The following ZNF473 variants were observed in gnomAD, a reference collection of about 807,000 sequenced individuals.
ZNF473 encodes zinc finger protein 473.
In ZNF473, 4 loss-of-function variants were observed where a neutral mutation model predicts 11.1. The ratio of observed to expected loss-of-function variants is 0.36; its 90% CI spans 0.18 to 0.82. The LOEUF (loss-of-function observed/expected upper bound fraction) is 0.82. Ranked by LOEUF, ZNF473 falls within the 40% of genes least tolerant of loss-of-function variation. The probability of loss-of-function intolerance (pLI) is 0.49; values close to 1 mark genes in which losing one functional copy is unlikely to be tolerated. For missense variants in ZNF473, 854 were observed against 1,084.0 expected, an observed-to-expected ratio of 0.79 and a Z score of 2.98; for synonymous variants, 404 against 390.4, an observed-to-expected ratio of 1.03 and a Z score of -0.41.
Position 50,044,991 on chromosome 19 carries a change from C to T in ZNF473, c.548C>T (p.Ser183Phe), listed in dbSNP as rs761468191. Residue 183 changes from serine to phenylalanine, a missense_variant, in exon 5 of 5, where the codon TCT becomes TTT. Physicochemically the swap from Ser to Phe is radical, Grantham distance 155. This residue lies in a region of ZNF473 where 668 missense variants were observed against 790.2 expected (regional missense o/e 0.85). Coordinates refer to ENST00000270617, the MANE Select transcript of ZNF473 (RefSeq NM_015428.4). ...VSEKTLTPAK[S>F]KEYRGEFFSY... is the part of the protein sequence containing the mutation. Reference sequence around the variant, plus strand: ...GAAAAGACCCTCACACCAGCTAAGTCTAAGGAATATAGGGGTGAGTTTTTC... The same window carrying T: ...GAAAAGACCCTCACACCAGCTAAGTTTAAGGAATATAGGGGTGAGTTTTTC... The T allele has an allele frequency of 6.2e-7, 1 of 1,614,184 alleles. No individual in the cohort carries two copies. The highest frequency in any genetic ancestry group is 1.1e-5 in the South Asian group (1 of 91,078).
intron 4 of ZNF473, among the ~76,000 whole-genome samples, chr19:50,044,373 A>T (rs1043699306): frequency 6.6e-6 from 1 of 152,094 alleles, no homozygotes; most frequent in African/African-American, 2.4e-5. Context: ...ACAGTACAGG[A>T]TAGAGTGGAG....
Position 50,031,172 on chromosome 19 carries a change from G to A in ZNF473, c.9+81G>A, listed in dbSNP as rs190800608. The A allele has an allele frequency of 1.9e-4, 285 of 1,538,988 alleles. No homozygotes were observed. In the African/African-American group the frequency reaches 3.4e-3, roughly 19 times the overall value. On this transcript the variant is annotated intron_variant, in intron 2 of 4. Coordinates refer to ENST00000270617, the MANE Select transcript of ZNF473 (RefSeq NM_015428.4). ...CCTTCCTTTGTGGCCGAGGCGAGTT[G>A]AAGGTCGCTCTGTGTTGATTGGTCA... is the stretch of plus-strand genomic sequence containing the variant.
intron 1 of ZNF473, among the ~76,000 whole-genome samples, chr19:50,029,348 G>A (rs189239778): frequency 1.4e-4 from 22 of 152,242 alleles, no homozygotes; most frequent in Middle Eastern, 3.4e-3. Context: ...GGGTTTCACC[G>A]CGTTAGCCAG....
At chr19:50,041,086 G>T (rs1978743104) in intron 3 of ZNF473, 1 of 152,174 alleles carries the variant, frequency 6.6e-6, no homozygotes, top group Admixed American at 6.5e-5. Flanking sequence ...GCATGTGGCT[G>T]GGCTGGAGGC....
intron 1 of ZNF473, among the ~76,000 whole-genome samples, chr19:50,027,195 C>G (rs758572852): frequency 3.9e-5 from 6 of 152,072 alleles, no homozygotes; most frequent in African/African-American, 1.4e-4. Context: ...GAATCTGGGC[C>G]AGTTTTTGGT....
chr19:50,041,484 C>A, intron 3 of ZNF473: 1 of 313,870 alleles, frequency 3.2e-6, no homozygotes. Flanking sequence ...CCTTTGTATC[C>A]CCAGCCCCAG....
In ZNF473 at chr19:50,039,357, C is replaced by T; in HGVS notation, c.136+70C>T. ...GTGATCACCCATGCTCTCTACCACC[C>T]ACAGGGTGAAGTCCTGGCTCCTGGG... On this transcript the variant is annotated intron_variant, in intron 3 of 4. Coordinates refer to ENST00000270617, the MANE Select transcript of ZNF473 (RefSeq NM_015428.4). This position sits in a 1 kb window ranked among gnomAD's most constrained non-coding sequence, Gnocchi z 4.8. The T allele has an allele frequency of 6.3e-7, 1 of 1,588,332 alleles. No homozygotes were observed. Among genetic ancestry groups the T allele is most frequent in the Admixed American group, 1.7e-5 (1 of 58,838 alleles).
chr19:50,043,017 C>G (rs1365868685), intron 4 of ZNF473, among the ~76,000 whole-genome samples: 1 of 152,048 alleles, frequency 6.6e-6, no homozygotes, highest in East Asian at 1.9e-4. Context: ...AAGAACTGCA[C>G]AAGGGACAGG....
At chr19:50,036,375 G>A (rs1476613782) in intron 2 of ZNF473, among the ~76,000 whole-genome samples, 4 of 138,620 alleles carry the variant, frequency 2.9e-5, no homozygotes, top group South Asian at 2.4e-4. Flanking sequence ...GTGCAGTGGC[G>A]CAATCCTGGC....
At chr19:50,038,274 T>C (rs1600756666) in intron 2 of ZNF473, among the ~76,000 whole-genome samples, 1 of 150,656 alleles carries the variant, frequency 6.6e-6, no homozygotes, top group Admixed American at 6.6e-5. Context: ...AATAAACACT[T>C]ATTAACTAGG....
In ZNF473 at chr19:50,039,016, T is replaced by TA. The variant is rs1443791280; in HGVS notation, c.10-144dup. On this transcript the variant is annotated intron_variant, in intron 2 of 4. Coordinates refer to ENST00000270617, the MANE Select transcript of ZNF473 (RefSeq NM_015428.4). The surrounding 1 kb of genome is among the most constrained non-coding windows in gnomAD (Gnocchi z 4.8). The stretch of plus-strand genomic sequence containing the variant: ...CAAAATACAGGGGTTTCCAGTCTCT[T>TA]ACATCTCAAGATTCTTGTGAGGCTG... 10 of 1,045,282 alleles carry TA rather than the reference T, an allele frequency of 9.6e-6. No homozygotes were observed. Among genetic ancestry groups the TA allele is most frequent in the Admixed American group, 4.7e-5 (2 of 42,458 alleles). 64.8% of individuals were successfully genotyped at this position (1,045,282 alleles called of 1,614,324 possible).
At chr19:50,030,282 C>T (rs930262743) in intron 1 of ZNF473, among the ~76,000 whole-genome samples, 5 of 152,142 alleles carry the variant, frequency 3.3e-5, no homozygotes, top group Non-Finnish European at 5.9e-5. Context: ...CCCACGAGGG[C>T]GGCTTACTTG....
intron 2 of ZNF473, among the ~76,000 whole-genome samples, chr19:50,032,954 C>G (rs2077325551): frequency 6.6e-6 from 1 of 152,170 alleles, no homozygotes; most frequent in African/African-American, 2.4e-5. Flanking sequence ...ATAACAACTT[C>G]AGTCGTTTTG....
Position 50,039,074 on chromosome 19 carries a change from G to GC in ZNF473, c.10-87_10-86insC. On this transcript the variant is annotated intron_variant, in intron 2 of 4. Transcript: ENST00000270617. This position sits in a 1 kb window ranked among gnomAD's most constrained non-coding sequence, Gnocchi z 4.8. ...GATGGTTTTTGCCAAAGCCCTGGCA[G>GC]ATTGAGGGCTGGGAGTGCCCTGAGT... 6.4e-7 allele frequency: 1 copy of GC among 1,552,150 alleles called. No individual in the cohort carries two copies. The highest frequency in any genetic ancestry group is 1.4e-5 in the African/African-American group (1 of 73,768).
intron 1 of ZNF473, among the ~76,000 whole-genome samples, chr19:50,030,500 A>C (rs1485948274): frequency 6.6e-6 from 1 of 152,176 alleles, no homozygotes. Context: ...ACAGAGCAAG[A>C]CCGTGTCTCC....
intron 1 of ZNF473, among the ~76,000 whole-genome samples, chr19:50,028,928 C>CA (rs1360412982): frequency 1.3e-5 from 2 of 152,128 alleles, no homozygotes; most frequent in African/African-American, 4.8e-5. Flanking sequence ...ACCATATTCC[C>CA]ATATTTGTAG....
At chr19:50,037,634 A>G (rs1237307633) in intron 2 of ZNF473, among the ~76,000 whole-genome samples, 2 of 151,200 alleles carry the variant, frequency 1.3e-5, no homozygotes, top group Non-Finnish European at 2.9e-5. Context: ...CAGCCTGGGC[A>G]ACATGGCAAG....
At chr19:50,044,629 C>T (rs1488689102) in intron 4 of ZNF473, 41 bp from the exon 5 acceptor site, 1 of 1,513,030 alleles carries the variant, frequency 6.6e-7, no homozygotes, top group East Asian at 2.3e-5. Flanking sequence ...TCTGTGTTCT[C>T]ACCCTTAGTG....
rs768264132 is a variant in ZNF473 at position 50,046,668 on chromosome 19, G to A, written c.2225G>A (p.Ser742Asn). ...CDYCGKAFGLSAELVRHQRIH... is the reference protein window; with the variant it reads ...CDYCGKAFGLNAELVRHQRIH... ...TACTGCGGGAAGGCCTTCGGCCTGA[G>A]TGCTGAGCTTGTCCGCCACCAGAGA... is the stretch of plus-strand genomic sequence containing the variant. The change falls in exon 5 of 5, where the codon AGT becomes AAT. Residue 742 changes from serine (S) to asparagine (N), a missense_variant. Ser to Asn is a conservative substitution (Grantham distance 46, BLOSUM62 1). This residue lies in a region of ZNF473 where 186 missense variants were observed against 293.8 expected (regional missense o/e 0.63). Transcript: ENST00000270617. This position sits in a 1 kb window ranked among gnomAD's most constrained non-coding sequence, Gnocchi z 5.9. The A allele has an allele frequency of 1.1e-5, 17 of 1,614,094 alleles. No homozygotes were observed. The highest frequency in any genetic ancestry group is 1.7e-5 in the Admixed American group (1 of 60,008).
Sources: allele counts gnomAD v4.1 joint callset (sites outside exome capture counted in the v4.1 genomes callset), GRCh38; gene constraint gnomAD v4.1.1; regional missense constraint gnomAD v4.1.1; non-coding constraint Gnocchi (gnomAD v3.1); transcripts MANE v1.5; gene names NCBI Gene and HGNC (gene_info 2026-07-23, HGNC 2026-07-21).